The following SH2B3 variants were observed in gnomAD, a reference collection of about 807,000 sequenced individuals.
The protein encoded by SH2B3 is SH2B adaptor protein 3, also known as SH2B adapter protein 3.
In SH2B3, 43 loss-of-function variants were observed where a neutral mutation model predicts 51.9. The ratio of observed to expected loss-of-function variants is 0.83; its 90% confidence interval spans 0.65 to 1.07. SH2B3 has a LOEUF of 1.07. SH2B3 is among the 50% of genes least tolerant of loss of function. SH2B3 has a pLI of 0.00. For missense variants in SH2B3, 952 were observed against 834.3 expected (o/e 1.14, Z -1.74); for synonymous variants, 396 against 376.0 (o/e 1.05, Z -0.62).
intron 1 of SH2B3, among the ~76,000 whole-genome samples, chr12:111,413,668 G>A (rs952347828): frequency 6.6e-6 from 1 of 152,216 alleles, no homozygotes; most frequent in Non-Finnish European, 1.5e-5. Flanking sequence ...TGGTTGCCAC[G>A]CATCTGCCGG....
chr12:111,405,663 G>A (rs1056501950), upstream of SH2B3, among the ~76,000 whole-genome samples: 1 of 152,192 alleles, frequency 6.6e-6, no homozygotes, highest in Non-Finnish European at 1.5e-5. This position sits in a 1 kb window ranked among gnomAD's most constrained non-coding sequence, Gnocchi z 5.4. Flanking sequence ...AATCGGGTGG[G>A]CACGTGGTGG....
chr12:111,444,972 T>A, intron 2 of SH2B3: 13 of 728,928 alleles, frequency 1.8e-5, no homozygotes, highest in Non-Finnish European at 1.8e-5. Flanking sequence ...AACCCCTGGG[T>A]TGTGCTCAGC....
chr12:111,446,960 A>G lies in SH2B3; in HGVS notation c.853A>G (p.Ile285Val). 1 of 1,613,994 alleles carries G rather than the reference A, an allele frequency of 6.2e-7. No individual in the cohort carries two copies. Among genetic ancestry groups the G allele is most frequent in the Non-Finnish European group, 8.5e-7 (1 of 1,179,924 alleles). ...FVLKVKDRTD[I>V]IFEVGDEQQL... ...CTGCCAGGTGAAGGACCGGACAGAC[A>G]TCATCTTTGAGGTGGGAGACGAGCA... Residue 285 changes from isoleucine to valine, a missense_variant, in exon 4 of 8, where the codon ATC (isoleucine) becomes GTC (valine). Ile to Val is a conservative substitution (Grantham distance 29). Coordinates refer to ENST00000341259, the MANE Select transcript of SH2B3 (RefSeq NM_005475.3).
intron 1 of SH2B3, among the ~76,000 whole-genome samples, chr12:111,417,275 TC>T (rs1452343655): frequency 1.3e-5 from 2 of 152,156 alleles, no homozygotes; most frequent in East Asian, 3.8e-4. Context: ...AGCAAGTATT[TC>T]TCTTGAATAC....
chr12:111,447,258 C>T (rs776644023), intron 5 of SH2B3, 39 bp downstream of exon 5: 19 of 1,588,056 alleles, frequency 1.2e-5, no homozygotes, highest in African/African-American at 5.4e-5. Context: ...CTTCTGGGTA[C>T]GCTGGAACCC....
Position 111,418,566 on chromosome 12 carries a change from A to T in SH2B3, c.421A>T (p.Ser141Cys). Reference protein sequence around the residue: ...GPCSFQHFRRSLRHIFRRRSA... With the variant: ...GPCSFQHFRRCLRHIFRRRSA... The stretch of plus-strand genomic sequence containing the variant: ...CTGCTCCTTCCAGCACTTTCGCCGC[A>T]GCCTCCGCCACATCTTCCGCCGCCG... Residue 141 changes from serine to cysteine, a missense_variant, in exon 2 of 8, where the codon AGC (serine) becomes TGC (cysteine). Coordinates refer to ENST00000341259, the MANE Select transcript of SH2B3 (RefSeq NM_005475.3). The surrounding 1 kb of genome is among the most constrained non-coding windows in gnomAD (Gnocchi z 6.7). The T allele has an allele frequency of 1.4e-6, 2 of 1,474,602 alleles. No homozygotes were observed. Among genetic ancestry groups the T allele is most frequent in the South Asian group, 2.5e-5 (2 of 79,778 alleles). 91.3% of individuals were successfully genotyped at this position (1,474,602 alleles called of 1,614,324 possible). A position where few individuals can be genotyped will look rare whatever the true frequency, so the allele number is the denominator to read the frequency against.
chr12:111,426,426 A>G (rs371895166), intron 2 of SH2B3, among the ~76,000 whole-genome samples: 1 of 117,468 alleles, frequency 8.5e-6, no homozygotes, highest in Non-Finnish European at 1.7e-5. Flanking sequence ...GGGATTTGCT[A>G]TGTTGCCCAG....
At chr12:111,433,480 T>A (rs1872640307) in intron 2 of SH2B3, among the ~76,000 whole-genome samples, 1 of 152,246 alleles carries the variant, frequency 6.6e-6, no homozygotes, top group African/African-American at 2.4e-5. Context: ...TGCCAATATT[T>A]GTTATTGTCT....
Position 111,407,363 on chromosome 12 carries a change from G to A in SH2B3, c.-28+1086G>A, listed in dbSNP as rs971096132. ...GGCAGGAGGGACCGAGATCTGACCCGCAGCCCCTCGCCGGGGAGATGACAG... is the reference window on the plus strand; with the variant it reads ...GGCAGGAGGGACCGAGATCTGACCCACAGCCCCTCGCCGGGGAGATGACAG... On this transcript the variant is annotated intron_variant, in intron 1 of 7. Transcript: ENST00000341259. This position sits in a 1 kb window ranked among gnomAD's most constrained non-coding sequence, Gnocchi z 4.3. 6.6e-6 allele frequency among the ~76,000 whole-genome samples: 1 copy of A among 152,208 alleles called. No individual in the cohort carries two copies. Among genetic ancestry groups the A allele is most frequent in the Non-Finnish European group, 1.5e-5 (1 of 68,042 alleles).
At chr12:111,434,790 T>C in intron 2 of SH2B3, 2 of 1,483,946 alleles carry the variant, frequency 1.3e-6, no homozygotes, top group South Asian at 1.3e-5. Context: ...CCTGTTGTTT[T>C]GTGATGTCAG....
intron 2 of SH2B3, among the ~76,000 whole-genome samples, chr12:111,446,461 G>C (rs1238116414): frequency 1.3e-5 from 2 of 152,246 alleles, no homozygotes; most frequent in African/African-American, 4.8e-5. Flanking sequence ...AGTGGGAAGA[G>C]AAACGGATGT....
rs1004422410 is a variant in SH2B3, at chr12:111,406,429, G to A, written c.-28+152G>A. 1.3e-4 allele frequency among the ~76,000 whole-genome samples: 20 copies of A among 152,270 alleles called. No individual in the cohort carries two copies. Among genetic ancestry groups the A allele is most frequent in the African/African-American group, 4.8e-4 (20 of 41,570 alleles). ...CAGCCAACTCGGATGGAGGCGTTCCGGGGTGACGGCTCCCAGCGCCTACGA... is the reference window on the plus strand; with the variant it reads ...CAGCCAACTCGGATGGAGGCGTTCCAGGGTGACGGCTCCCAGCGCCTACGA... On this transcript the variant is annotated intron_variant, in intron 1 of 7. Coordinates refer to ENST00000341259, the MANE Select transcript of SH2B3 (RefSeq NM_005475.3). This position sits in a 1 kb window ranked among gnomAD's most constrained non-coding sequence, Gnocchi z 5.7.
intron 1 of SH2B3, 141 bp from the exon 2 acceptor site, chr12:111,417,978 G>A: frequency 1.7e-6 from 1 of 590,378 alleles, no homozygotes; most frequent in Non-Finnish European, 2.8e-6. Flanking sequence ...GTAGGGGAGT[G>A]CATGTTTCCC....
At chr12:111,446,130 GGGCAAACCCCCTCCTGA>G (rs1278653584) in intron 2 of SH2B3, among the ~76,000 whole-genome samples, 6 of 152,238 alleles carry the variant, frequency 3.9e-5, no homozygotes, top group Non-Finnish European at 8.8e-5. Context: ...GGAAGGGGAG[GGGCAAACCCCCTCCTGA>G]GCAGATTCCC....
chr12:111,418,422 G>T lies in SH2B3; in HGVS notation c.277G>T (p.Gly93Cys). The T allele has an allele frequency of 6.8e-7, 1 of 1,467,438 alleles. No homozygotes were observed. Among genetic ancestry groups the T allele is most frequent in the African/African-American group, 1.5e-5 (1 of 67,616 alleles). The allele number at this position is 1,467,438 out of a possible 1,614,324, so 90.9% of individuals were successfully genotyped here. ...GCCGGGCCGCGACTACCGGGACACA[G>T]GCCGTGGGCCCCCAGCCAAGGCCGA... ...RAPGRDYRDTGRGPPAKAEAS... is the reference protein window; with the variant it reads ...RAPGRDYRDTCRGPPAKAEAS... The change falls in exon 2 of 8, where the codon GGC becomes TGC. Residue 93 changes from glycine (G) to cysteine (C), a missense_variant. By Grantham distance (159) the Gly-to-Cys change is radical. Transcript: ENST00000341259. This position sits in a 1 kb window ranked among gnomAD's most constrained non-coding sequence, Gnocchi z 6.7.
At position 111,435,238 on chromosome 12, in the gene SH2B3, G is replaced by A. The variant is rs1039517247; in HGVS notation, c.733-11515G>A. 1.4e-4 allele frequency among the ~76,000 whole-genome samples: 22 copies of A among 152,204 alleles called. No homozygotes were observed. The highest frequency in any genetic ancestry group is 2.9e-4 in the Non-Finnish European group (20 of 68,034). On this transcript the variant is annotated intron_variant, in intron 2 of 7. Transcript: ENST00000341259. This position sits in a 1 kb window ranked among gnomAD's most constrained non-coding sequence, Gnocchi z 4.8. ...TGGCTTTGTGGCAGGGGGATGGGCC[G>A]TCGGTGCCCCATTCAAGCCTGGGGA...
At position 111,447,375 on chromosome 12, in the gene SH2B3, A is replaced by G; in HGVS notation, c.1067A>G (p.Asp356Gly). The G allele has an allele frequency of 6.2e-7, 1 of 1,614,020 alleles. No homozygotes were observed. Among genetic ancestry groups the G allele is most frequent in the Non-Finnish European group, 8.5e-7 (1 of 1,179,980 alleles). Reference sequence around the variant, plus strand: ...CTGGACCCGGCCTGCCAGAAGACGGACCATTTCCTGTCCTGCTACCCCTGG... The same window carrying G: ...CTGGACCCGGCCTGCCAGAAGACGGGCCATTTCCTGTCCTGCTACCCCTGG... The part of the protein sequence containing the change: ...GLLDPACQKT[D>G]HFLSCYPWFH... Residue 356 changes from aspartate (D) to glycine (G), a missense_variant, in exon 6 of 8, where the codon GAC becomes GGC. By Grantham distance (94) the Asp-to-Gly change is moderately conservative. Transcript: ENST00000341259.
intron 2 of SH2B3, among the ~76,000 whole-genome samples, chr12:111,437,504 AG>A (rs1181480114): frequency 6.6e-6 from 1 of 152,188 alleles, no homozygotes; most frequent in African/African-American, 2.4e-5. Context: ...CATTCAGGGC[AG>A]CAGGCAGGCT....
At position 111,447,414 on chromosome 12, in the gene SH2B3, T is replaced by G; in HGVS notation, c.1106T>G (p.Ile369Ser). 6.2e-7 allele frequency: 1 copy of G among 1,613,990 alleles called. No individual in the cohort carries two copies. Among genetic ancestry groups the G allele is most frequent in the East Asian group, 2.2e-5 (1 of 44,874 alleles). Residue 369 changes from isoleucine (I) to serine (S), a missense_variant, in exon 6 of 8, where the codon ATC becomes AGC. Physicochemically the swap from Ile to Ser is moderately radical, Grantham distance 142 (BLOSUM62 -2). Coordinates refer to ENST00000341259, the MANE Select transcript of SH2B3 (RefSeq NM_005475.3). Reference sequence around the variant, plus strand: ...TGCTACCCCTGGTTCCACGGCCCCATCTCCAGAGTGAAAGCAGCTCAGCTG... The same window carrying G: ...TGCTACCCCTGGTTCCACGGCCCCAGCTCCAGAGTGAAAGCAGCTCAGCTG... ...LSCYPWFHGP[I>S]SRVKAAQLVQ...
Sources: allele counts gnomAD v4.1 joint callset (sites outside exome capture counted in the v4.1 genomes callset), GRCh38; gene constraint gnomAD v4.1.1; non-coding constraint Gnocchi (gnomAD v3.1); transcripts MANE v1.5; gene names NCBI Gene and HGNC (gene_info 2026-07-23, HGNC 2026-07-21).